EFCAB13: variants seen among roughly 807,000 people sequenced by gnomAD.
EFCAB13 encodes EF-hand calcium binding domain 13.
A neutral mutation model predicts 110.2 loss-of-function variants in EFCAB13; 91 were observed. The ratio of observed to expected loss-of-function variants is 0.83; its 90% CI spans 0.70 to 0.98. EFCAB13 has a LOEUF of 0.98. EFCAB13 is among the 50% of genes least tolerant of loss of function. EFCAB13 has a pLI of 0.00. For synonymous variants in EFCAB13, 323 were observed against 369.9 expected, an observed-to-expected ratio of 0.87 and a Z score of 1.45; for missense variants, 968 against 1,119.4, an observed-to-expected ratio of 0.86 and a Z score of 1.93.
At chr17:47,425,333 TTCTGACCTG>T (rs1458090838) in intron 23 of EFCAB13, among the ~76,000 whole-genome samples, 3 of 152,200 alleles carry the variant, frequency 2.0e-5, no homozygotes, top group Admixed American at 1.3e-4. Context: ...CAGATTCTGA[TTCTGACCTG>T]TCTTTAGATT....
At chr17:47,398,190 A>C (rs2065756946) in intron 17 of EFCAB13, among the ~76,000 whole-genome samples, 1 of 123,760 alleles carries the variant, frequency 8.1e-6, no homozygotes, top group Non-Finnish European at 1.7e-5. Context: ...CCTACTGGGA[A>C]GTGAGGAGCC....
Position 47,344,216 on chromosome 17 carries a change from T to C in EFCAB13, c.358T>C (p.Ser120Pro), listed in dbSNP as rs771495756. 1.2e-6 allele frequency: 2 copies of C among 1,613,302 alleles called. No homozygotes were observed. Among genetic ancestry groups the C allele is most frequent in the Non-Finnish European group, 1.7e-6 (2 of 1,179,408 alleles). ...GGAGAAGGTGACAAGGAAAGAAAAC[T>C]CTTTATGCAAGTTGCCGAATCAGTA... ...SKEKVTRKEN[S>P]LCKLPNQYSV... Residue 120 changes from serine to proline, a missense_variant, in exon 7 of 25, where the codon TCT (serine) becomes CCT (proline). By Grantham distance (74) the Ser-to-Pro change is moderately conservative (BLOSUM62 -1). Transcript: ENST00000331493.
chr17:47,375,700 T>G (rs1030718820), intron 12 of EFCAB13, among the ~76,000 whole-genome samples: 4 of 152,210 alleles, frequency 2.6e-5, no homozygotes, highest in African/African-American at 9.7e-5. Flanking sequence ...CCTGAGAAAC[T>G]TATTCAGTGA....
intron 4 of EFCAB13, among the ~76,000 whole-genome samples, chr17:47,329,227 A>C (rs1474006325): frequency 6.6e-6 from 1 of 152,132 alleles, no homozygotes; most frequent in Admixed American, 6.6e-5. Context: ...GGGGCATTCC[A>C]GAGTCTTACC....
At chr17:47,429,506 C>G (rs1371775580) in intron 23 of EFCAB13, among the ~76,000 whole-genome samples, 3 of 152,150 alleles carry the variant, frequency 2.0e-5, no homozygotes, top group African/African-American at 7.2e-5. Context: ...TTTAGTAAAT[C>G]ACTTAATCTT....
chr17:47,413,377 T>C (rs1277482232), intron 22 of EFCAB13, among the ~76,000 whole-genome samples: 1 of 152,236 alleles, frequency 6.6e-6, no homozygotes, highest in East Asian at 1.9e-4. Flanking sequence ...CTTTGTTTTC[T>C]GTCTTTGACT....
intron 6 of EFCAB13, among the ~76,000 whole-genome samples, chr17:47,343,030 G>C (rs747298435): frequency 2.0e-5 from 3 of 151,958 alleles, no homozygotes; most frequent in Admixed American, 1.3e-4. Flanking sequence ...TTTCAAGATT[G>C]GTATCTGATC....
intron 8 of EFCAB13, among the ~76,000 whole-genome samples, chr17:47,347,393 A>G (rs1299841815): frequency 6.6e-6 from 1 of 152,028 alleles, no homozygotes; most frequent in Non-Finnish European, 1.5e-5. Flanking sequence ...GAATTTCTTA[A>G]TTAGGCACTA....
chr17:47,400,695 C>T (rs116829364), intron 17 of EFCAB13, among the ~76,000 whole-genome samples: 17 of 151,574 alleles, frequency 1.1e-4, no homozygotes, highest in African/African-American at 3.6e-4. Context: ...CTTCCCTTCC[C>T]TTCCCTTCCC....
At chr17:47,439,171 GTTTTTTTTTTTTTT>G (rs71141908) in intron 24 of EFCAB13, among the ~76,000 whole-genome samples, 1 of 73,868 alleles carries the variant, frequency 1.4e-5, no homozygotes, top group African/African-American at 5.6e-5. Context: ...TCTTTGTTTT[GTTTTTTTTTTTTTT>G]TTTTTTTTTT....
chr17:47,397,799 G>C (rs2065750807), intron 17 of EFCAB13, among the ~76,000 whole-genome samples: 1 of 151,736 alleles, frequency 6.6e-6, no homozygotes, highest in Non-Finnish European at 1.5e-5. Flanking sequence ...GAGAAGTGAG[G>C]AGCCCCTCCG....
At chr17:47,372,296 T>C (rs921106021) in intron 11 of EFCAB13, among the ~76,000 whole-genome samples, 27 of 152,222 alleles carry the variant, frequency 1.8e-4, no homozygotes, top group African/African-American at 5.8e-4. Context: ...CTTGTAGTTA[T>C]GACAGGCAAT....
intron 24 of EFCAB13, 102 bp from the exon 25 acceptor site, chr17:47,440,329 A>G: frequency 5.7e-6 from 7 of 1,217,746 alleles, no homozygotes; most frequent in Non-Finnish European, 7.7e-6. Flanking sequence ...CTTACTCTCA[A>G]GCTTTTAACT....
intron 24 of EFCAB13, among the ~76,000 whole-genome samples, chr17:47,439,171 G>GTTTTTTTTTTTTTTTTTTT (rs71141908): frequency 2.7e-5 from 2 of 73,868 alleles, no homozygotes; most frequent in African/African-American, 5.6e-5. Flanking sequence ...TCTTTGTTTT[G>GTTTTTTTTTTTTTTTTTTT]TTTTTTTTTT....
chr17:47,413,771 G>C (rs1904328712), intron 22 of EFCAB13, among the ~76,000 whole-genome samples: 1 of 151,900 alleles, frequency 6.6e-6, no homozygotes, highest in Non-Finnish European at 1.5e-5. Flanking sequence ...GGAAGATTTA[G>C]GCCTCCTTGT....
chr17:47,378,323 T>G (rs2065627873), intron 13 of EFCAB13, among the ~76,000 whole-genome samples: 2 of 152,188 alleles, frequency 1.3e-5, no homozygotes, highest in Non-Finnish European at 2.9e-5. Flanking sequence ...GAGCCAGGTA[T>G]GCTTAGCAGT....
chr17:47,408,560 C>T (rs1395142847), intron 20 of EFCAB13, among the ~76,000 whole-genome samples: 2 of 151,982 alleles, frequency 1.3e-5, no homozygotes, highest in Admixed American at 6.5e-5. Flanking sequence ...GGCTGAGGCA[C>T]GAGAATGCTT....
chr17:47,336,592 ATT>A (rs66495523), intron 5 of EFCAB13, among the ~76,000 whole-genome samples: 64,180 of 119,176 alleles, frequency 0.54, 14,570 homozygotes, highest in Middle Eastern at 0.6. Flanking sequence ...CACCTGGCCA[ATT>A]TTTTTTTTTT....
At chr17:47,345,685 T>C (rs926028756) in intron 8 of EFCAB13, among the ~76,000 whole-genome samples, 5 of 152,228 alleles carry the variant, frequency 3.3e-5, no homozygotes, top group African/African-American at 4.8e-5. Flanking sequence ...ATTGTCATTA[T>C]GTGAAAATCT....
Sources: gnomAD v4.1 joint callset for allele counts (sites outside exome capture counted in the v4.1 genomes callset) on GRCh38, gnomAD v4.1.1 for gene constraint, MANE v1.5 for transcripts, NCBI Gene and HGNC (gene_info 2026-07-23, HGNC 2026-07-21) for gene names.